KCNJ6: variants seen among roughly 807,000 people sequenced by gnomAD.
KCNJ6 encodes G protein-activated inward rectifier potassium channel 2.
Under a neutral mutation model 34.2 loss-of-function variants are expected in KCNJ6, and 9 were observed. The ratio of observed to expected loss-of-function variants is 0.26; its 90% CI spans 0.16 to 0.46. The LOEUF is 0.46. KCNJ6 is among the 20% of genes least tolerant of loss of function. The pLI is 1.00. For synonymous variants in KCNJ6, 196 were observed against 207.1 expected (o/e 0.95, Z 0.46); for missense variants, 236 against 531.3 (o/e 0.44, Z 5.46).
Position 37,675,337 on chromosome 21 carries a change from C to G in KCNJ6, c.946+38874G>C, listed in dbSNP as rs1033049133. On this transcript the variant is annotated intron_variant, in intron 3 of 3. Coordinates refer to ENST00000609713, the MANE Select transcript of KCNJ6 (RefSeq NM_002240.5). This position sits in a 1 kb window ranked among gnomAD's most constrained non-coding sequence, Gnocchi z 4.2. ...GGAATCAAGTTGGCGGGGATTTTTCCGCGAGTGGCTGCATTGGCTTTAAGA... is the reference window on the plus strand; with the variant it reads ...GGAATCAAGTTGGCGGGGATTTTTCGGCGAGTGGCTGCATTGGCTTTAAGA... 6.6e-6 allele frequency among the ~76,000 whole-genome samples: 1 copy of G among 152,204 alleles called. No individual in the cohort carries two copies. The highest frequency in any genetic ancestry group is 2.4e-5 in the African/African-American group (1 of 41,464).
intron 1 of KCNJ6, among the ~76,000 whole-genome samples, chr21:37,881,955 G>C (rs749143610): frequency 2.0e-5 from 3 of 152,092 alleles, no homozygotes; most frequent in Non-Finnish European, 2.9e-5. Flanking sequence ...CAGAGACTTG[G>C]GGGTCTCACA....
chr21:37,863,714 C>T (rs1390332020), intron 1 of KCNJ6, among the ~76,000 whole-genome samples: 1 of 152,036 alleles, frequency 6.6e-6, no homozygotes, highest in African/African-American at 2.4e-5. Flanking sequence ...ACATCAACGC[C>T]CCACTTCTAA....
intron 1 of KCNJ6, among the ~76,000 whole-genome samples, chr21:37,854,894 AT>A (rs1248454077): frequency 3.3e-5 from 5 of 152,270 alleles, no homozygotes; most frequent in African/African-American, 1.2e-4. Flanking sequence ...GAAAGGGGAA[AT>A]AAATCCACGA....
chr21:37,737,162 T>C (rs1428266666), intron 2 of KCNJ6, among the ~76,000 whole-genome samples: 1 of 152,208 alleles, frequency 6.6e-6, no homozygotes, highest in Non-Finnish European at 1.5e-5. Context: ...TGTGCATCAG[T>C]GCCCGATGGC....
chr21:37,842,012 T>C (rs2055483316), intron 1 of KCNJ6, among the ~76,000 whole-genome samples: 1 of 152,248 alleles, frequency 6.6e-6, no homozygotes, highest in South Asian at 2.1e-4. Flanking sequence ...AGGTTGTACC[T>C]GACAGTGTAT....
At chr21:37,625,778 T>G (rs1485232934) in intron 3 of KCNJ6, among the ~76,000 whole-genome samples, 1 of 152,186 alleles carries the variant, frequency 6.6e-6, no homozygotes, top group Non-Finnish European at 1.5e-5. Context: ...TGCACACAAG[T>G]TTTCGCATGT....
chr21:37,740,408 A>G (rs920852512), intron 2 of KCNJ6, among the ~76,000 whole-genome samples: 3 of 152,174 alleles, frequency 2.0e-5, no homozygotes, highest in Non-Finnish European at 4.4e-5. Flanking sequence ...CGCAACCTAG[A>G]CATTACCTTT....
chr21:37,725,703 T>C (rs1410137990), intron 2 of KCNJ6, among the ~76,000 whole-genome samples: 2 of 152,236 alleles, frequency 1.3e-5, no homozygotes, highest in Non-Finnish European at 1.5e-5. Context: ...ATAAATTGTA[T>C]GCAGGGATGT....
intron 1 of KCNJ6, among the ~76,000 whole-genome samples, chr21:37,903,174 A>T (rs1227718156): frequency 3.3e-5 from 5 of 152,118 alleles, no homozygotes; most frequent in Non-Finnish European, 7.4e-5. Context: ...CCCAAATCCC[A>T]CCTTGAATTG....
At chr21:37,892,033 T>G (rs1380705670) in intron 1 of KCNJ6, among the ~76,000 whole-genome samples, 1 of 152,242 alleles carries the variant, frequency 6.6e-6, no homozygotes, top group Non-Finnish European at 1.5e-5. Flanking sequence ...AATTTGCAGG[T>G]ATCTTTTTAA....
intron 2 of KCNJ6, among the ~76,000 whole-genome samples, chr21:37,767,434 A>T (rs1224360139): frequency 6.6e-6 from 1 of 152,174 alleles, no homozygotes; most frequent in Non-Finnish European, 1.5e-5. Flanking sequence ...TCCTTCACAG[A>T]GCAGGAAGCA....
chr21:37,796,913 C>T (rs915859439), intron 2 of KCNJ6, among the ~76,000 whole-genome samples: 1 of 150,474 alleles, frequency 6.6e-6, no homozygotes, highest in African/African-American at 2.4e-5. Flanking sequence ...CCTGCCTCAG[C>T]CTCCCGAGTA....
At chr21:37,901,035 T>C (rs556054408) in intron 1 of KCNJ6, among the ~76,000 whole-genome samples, 1 of 149,730 alleles carries the variant, frequency 6.7e-6, no homozygotes, top group Non-Finnish European at 1.5e-5. Flanking sequence ...CCTTCCTGCC[T>C]TTCTTTGTTC....
intron 3 of KCNJ6, among the ~76,000 whole-genome samples, chr21:37,667,686 G>A (rs942294501): frequency 9.9e-5 from 15 of 151,820 alleles, no homozygotes; most frequent in South Asian, 6.2e-4. Context: ...AGCGGGCTCC[G>A]GGGTCGGCAC....
intron 1 of KCNJ6, among the ~76,000 whole-genome samples, chr21:37,848,107 G>A (rs1011469069): frequency 1.3e-5 from 2 of 152,212 alleles, no homozygotes; most frequent in Admixed American, 1.3e-4. Context: ...AGCTGCTCAG[G>A]AGGGAGGCCA....
intron 2 of KCNJ6, among the ~76,000 whole-genome samples, chr21:37,826,215 C>A: frequency 6.6e-6 from 1 of 152,150 alleles, no homozygotes. Flanking sequence ...TAGAAATGTG[C>A]GAATAGTTAC....
chr21:37,698,952 G>A (rs367771992), intron 3 of KCNJ6, among the ~76,000 whole-genome samples: 2 of 152,144 alleles, frequency 1.3e-5, no homozygotes, highest in African/African-American at 4.8e-5. Context: ...TCCTGCCTTG[G>A]CCTCCCAAAG....
chr21:37,650,093 G>C (rs2123386633), intron 3 of KCNJ6, among the ~76,000 whole-genome samples: 1 of 152,246 alleles, frequency 6.6e-6, no homozygotes, highest in Non-Finnish European at 1.5e-5. Context: ...AATCTGTCCA[G>C]TGTGTCTGCA....
intron 1 of KCNJ6, among the ~76,000 whole-genome samples, chr21:37,843,733 G>A (rs556845602): frequency 8.5e-5 from 13 of 152,306 alleles, no homozygotes; most frequent in African/African-American, 2.9e-4. Context: ...TGATGAAACT[G>A]AAGCCCAGGG....
Sources: gnomAD v4.1 joint callset for allele counts (sites outside exome capture counted in the v4.1 genomes callset) on GRCh38, gnomAD v4.1.1 for gene constraint, Gnocchi (gnomAD v3.1) non-coding constraint, MANE v1.5 for transcripts, NCBI Gene and HGNC (gene_info 2026-07-23, HGNC 2026-07-21) for gene names.